Variants in SEMA6D observed in about 807,000 individuals in gnomAD.
SEMA6D encodes the protein semaphorin-6D.
A neutral mutation model predicts 106.6 loss-of-function variants in SEMA6D; 35 were observed. The ratio of observed to expected loss-of-function variants is 0.33; its 90% CI spans 0.25 to 0.44. The LOEUF (loss-of-function observed/expected upper bound fraction) is 0.44, where lower values mean the gene tolerates loss of function less well. SEMA6D is among the 20% of genes least tolerant of loss of function. The probability of loss-of-function intolerance (pLI) is 1.00; values close to 1 mark genes in which losing one functional copy is unlikely to be tolerated. For synonymous variants in SEMA6D, 499 were observed against 487.7 expected, an observed-to-expected ratio of 1.02 and a Z score of -0.31; for missense variants, 1,185 against 1,345.9, an observed-to-expected ratio of 0.88 and a Z score of 1.87.
chr15:47,544,299 C>A (rs926355715), intron 3 of SEMA6D, among the ~76,000 whole-genome samples: 1 of 152,066 alleles, frequency 6.6e-6, no homozygotes, highest in Non-Finnish European at 1.5e-5. Context: ...ATTTTGATGA[C>A]AACATCAGCA....
rs887943372 is a variant in SEMA6D at position 47,479,865 on chromosome 15, CT to C, written c.-87+9339del. Among the ~76,000 whole-genome samples, 516 of 126,146 alleles carry C rather than the reference CT, an allele frequency of 4.1e-3. 2 individuals are homozygous for C. The highest frequency in any genetic ancestry group is 9.5e-3 in the East Asian group (42 of 4,414). The allele number at this position is 126,146 out of a possible 152,430, so 82.8% of individuals were successfully genotyped here. A position where few individuals can be genotyped will look rare whatever the true frequency, so the allele number is the denominator to read the frequency against. On this transcript the variant is annotated intron_variant, in intron 3 of 19. Coordinates refer to the SEMA6D transcript ENST00000558014. ...TTAAATTCACTATTTTCTTATCATT[CT>C]TTTTTTTTTTTTTTTTTTCTGAGAC...
chr15:47,240,983 AAATG>A (rs2141758892), intron 1 of SEMA6D, among the ~76,000 whole-genome samples: 1 of 152,280 alleles, frequency 6.6e-6, no homozygotes, highest in Non-Finnish European at 1.5e-5. Flanking sequence ...ATACATTCTG[AAATG>A]CAGGTTAGAT....
intron 1 of SEMA6D, among the ~76,000 whole-genome samples, chr15:47,758,651 T>C (rs2081901251): frequency 6.6e-6 from 1 of 152,220 alleles, no homozygotes; most frequent in South Asian, 2.1e-4. Flanking sequence ...TGCACATATT[T>C]AATGTACAAT....
chr15:47,694,532 C>T (rs1037534795), intron 4 of SEMA6D, among the ~76,000 whole-genome samples: 13 of 152,006 alleles, frequency 8.6e-5, no homozygotes, highest in African/African-American at 2.9e-4. Flanking sequence ...TTCCTGTGCC[C>T]CTCTTCAACT....
At chr15:47,543,120 C>T (rs916484204) in intron 3 of SEMA6D, among the ~76,000 whole-genome samples, 1 of 152,110 alleles carries the variant, frequency 6.6e-6, no homozygotes, top group African/African-American at 2.4e-5. Flanking sequence ...ATCAGCAATG[C>T]TTTAACAATG....
intron 2 of SEMA6D, among the ~76,000 whole-genome samples, chr15:47,440,286 T>C (rs962392127): frequency 7.1e-6 from 1 of 140,110 alleles, no homozygotes; most frequent in African/African-American, 2.8e-5. Context: ...AGGCAAGAGA[T>C]TATCCTCACC....
intron 1 of SEMA6D, among the ~76,000 whole-genome samples, chr15:47,363,182 G>A (rs984959349): frequency 6.6e-6 from 1 of 152,110 alleles, no homozygotes; most frequent in Non-Finnish European, 1.5e-5. Flanking sequence ...ATGAAGATCT[G>A]AGGCATAAAG....
At chr15:47,466,852 T>C (rs907814118) in intron 2 of SEMA6D, among the ~76,000 whole-genome samples, 1 of 150,394 alleles carries the variant, frequency 6.6e-6, no homozygotes, top group Non-Finnish European at 1.5e-5. Context: ...TCAGCCTCCC[T>C]AGTAGCTGGG....
chr15:47,290,569 C>T (rs1295698464), intron 1 of SEMA6D, among the ~76,000 whole-genome samples: 4 of 151,656 alleles, frequency 2.6e-5, no homozygotes, highest in South Asian at 2.1e-4. Flanking sequence ...TGTATATCAC[C>T]GGAAATGATT....
At chr15:47,526,584 G>A (rs2044763408) in intron 3 of SEMA6D, among the ~76,000 whole-genome samples, 2 of 152,128 alleles carry the variant, frequency 1.3e-5, no homozygotes, top group Non-Finnish European at 2.9e-5. Flanking sequence ...ATTTAATTTG[G>A]AATCTGTAAT....
At chr15:47,561,259 A>G (rs2046072980) in intron 3 of SEMA6D, among the ~76,000 whole-genome samples, 14 of 152,104 alleles carry the variant, frequency 9.2e-5, no homozygotes, top group Admixed American at 9.2e-4. Context: ...ATGATCCATC[A>G]CATACAGGGG....
At chr15:47,255,097 C>A (rs1294191355) in intron 1 of SEMA6D, among the ~76,000 whole-genome samples, 1 of 152,080 alleles carries the variant, frequency 6.6e-6, no homozygotes, top group East Asian at 1.9e-4. Context: ...ATGGGAGAAT[C>A]TTGATAACTG....
At chr15:47,751,356 G>A (rs2081423440) in intron 1 of SEMA6D, among the ~76,000 whole-genome samples, 1 of 152,054 alleles carries the variant, frequency 6.6e-6, no homozygotes, top group Admixed American at 6.6e-5. Context: ...GCTTCTCTTT[G>A]CCCTCTCTCA....
At chr15:47,542,287 G>A (rs1401801507) in intron 3 of SEMA6D, among the ~76,000 whole-genome samples, 1 of 152,132 alleles carries the variant, frequency 6.6e-6, no homozygotes, top group Non-Finnish European at 1.5e-5. Context: ...TAAAAGCTAA[G>A]CCTGAGGTAT....
At chr15:47,678,523 C>A (rs1047616606) in intron 4 of SEMA6D, among the ~76,000 whole-genome samples, 1 of 152,120 alleles carries the variant, frequency 6.6e-6, no homozygotes, top group Non-Finnish European at 1.5e-5. Context: ...AAATACTATT[C>A]TTTGCATTTC....
intron 4 of SEMA6D, among the ~76,000 whole-genome samples, chr15:47,617,907 A>T (rs1276558372): frequency 6.6e-6 from 1 of 152,180 alleles, no homozygotes; most frequent in African/African-American, 2.4e-5. Context: ...CCTCCAACTG[A>T]TATTTCACTG....
At chr15:47,616,175 T>C (rs1475974065) in intron 4 of SEMA6D, among the ~76,000 whole-genome samples, 1 of 152,086 alleles carries the variant, frequency 6.6e-6, no homozygotes, top group African/African-American at 2.4e-5. Flanking sequence ...TTTTTTTTTT[T>C]TCTTTTTTTG....
In SEMA6D at chr15:47,771,227, C is replaced by T. The variant is rs1221441533; in HGVS notation, c.2664C>T (p.Asp888=). 1.9e-6 allele frequency: 3 copies of T among 1,614,062 alleles called. No homozygotes were observed. The highest frequency in any genetic ancestry group is 1.7e-5 in the Admixed American group (1 of 60,024). The change falls in exon 19 of 19, where the codon GAC becomes GAT. Residue 888 remains aspartate (D), a synonymous_variant. Transcript: ENST00000536845. ...ATGATCTCCTGAAGCATCTGAATGA[C>T]CCAAATAGTAACCCCAAAGCCATCA... The part of the protein sequence containing the change: ...TLNDLLKHLN[D]PNSNPKAIMG...
chr15:47,533,878 T>C (rs999860411), intron 3 of SEMA6D, among the ~76,000 whole-genome samples: 11 of 152,274 alleles, frequency 7.2e-5, no homozygotes, highest in African/African-American at 2.6e-4. Context: ...GTTCCTCTGA[T>C]TGGATGAAAG....
Sources: allele counts gnomAD v4.1 joint callset (sites outside exome capture counted in the v4.1 genomes callset), GRCh38; gene constraint gnomAD v4.1.1; transcripts MANE v1.5; gene names NCBI Gene and HGNC (gene_info 2026-07-23, HGNC 2026-07-21).